Variants in VASH2 observed in about 807,000 individuals in gnomAD.
VASH2 encodes tubulinyl-Tyr carboxypeptidase 2.
VASH2 carries 28 observed loss-of-function variants against 37.2 expected under a neutral mutation model. The observed-to-expected ratio is 0.75, with a 90% CI of 0.56 to 1.03. VASH2 has a LOEUF of 1.03. Ranked by LOEUF, VASH2 falls within the 50% of genes least tolerant of loss-of-function variation. VASH2 has a pLI of 0.00. For missense variants in VASH2, 419 were observed against 459.1 expected, an observed-to-expected ratio of 0.91 and a Z score of 0.80; for synonymous variants, 188 against 174.7, an observed-to-expected ratio of 1.08 and a Z score of -0.60.
At chr1:212,985,837 C>A (rs979201821) in intron 7 of VASH2, among the ~76,000 whole-genome samples, 2 of 152,226 alleles carry the variant, frequency 1.3e-5, no homozygotes, top group African/African-American at 2.4e-5. Flanking sequence ...ACGTGTCCTA[C>A]TAACTGCCAC....
chr1:212,975,455 T>C (rs1316318685), intron 7 of VASH2, among the ~76,000 whole-genome samples: 2 of 152,222 alleles, frequency 1.3e-5, no homozygotes, highest in Non-Finnish European at 2.9e-5. Flanking sequence ...AGGTTTGTCC[T>C]TGCAGGGAGC....
intron 5 of VASH2, among the ~76,000 whole-genome samples, chr1:212,970,301 A>G (rs550222333): frequency 2.0e-5 from 3 of 152,222 alleles, no homozygotes; most frequent in South Asian, 2.1e-4. Context: ...TGACATCATG[A>G]TGGGAGAAAT....
chr1:212,958,273 C>T (rs1402601034), intron 2 of VASH2, among the ~76,000 whole-genome samples: 2 of 152,194 alleles, frequency 1.3e-5, no homozygotes, highest in East Asian at 3.8e-4. Context: ...TGACATCATT[C>T]CCTCTGTGGT....
At chr1:212,961,510 C>T (rs1437455158) in intron 3 of VASH2, 2 of 589,118 alleles carry the variant, frequency 3.4e-6, no homozygotes, top group Non-Finnish European at 2.7e-6. Context: ...TGTCCTTTCC[C>T]TTTTTCCCCT....
At chr1:212,962,898 G>T (rs1350670274) in intron 3 of VASH2, among the ~76,000 whole-genome samples, 1 of 152,138 alleles carries the variant, frequency 6.6e-6, no homozygotes, top group Non-Finnish European at 1.5e-5. Context: ...TGGACCCCAA[G>T]AGCTGGCCCT....
chr1:212,980,073 G>A (rs1415023016), intron 7 of VASH2, among the ~76,000 whole-genome samples: 1 of 152,120 alleles, frequency 6.6e-6, no homozygotes, highest in African/African-American at 2.4e-5. Flanking sequence ...TAGGGCCGGG[G>A]GCCTGAGATG....
At chr1:212,982,265 CA>C (rs758367935) in intron 7 of VASH2, among the ~76,000 whole-genome samples, 3 of 152,182 alleles carry the variant, frequency 2.0e-5, no homozygotes, top group Non-Finnish European at 4.4e-5. Context: ...CTTTCTCCTG[CA>C]AAGTGAGTCA....
chr1:212,970,154 A>G (rs1370137536), intron 5 of VASH2, among the ~76,000 whole-genome samples: 1 of 152,200 alleles, frequency 6.6e-6, no homozygotes, highest in Non-Finnish European at 1.5e-5. Context: ...GCTGGATGCC[A>G]GAAAGATGAT....
At chr1:212,974,712 A>G (rs1448354394) in intron 7 of VASH2, 2 of 152,230 alleles carry the variant, frequency 1.3e-5, no homozygotes, top group Non-Finnish European at 2.9e-5. Flanking sequence ...GCTGGCAAAT[A>G]TTTGAACTAT....
rs1285476407 is a variant in VASH2 at position 212,966,361 on chromosome 1, T to C, written c.497+16T>C. The stretch of plus-strand genomic sequence containing the variant: ...TCCTGGGCATGTATCCTTTAAGTTA[T>C]GTATGCTTAGTTTACTCCATAAATG... On this transcript the variant is annotated intron_variant, in intron 5 of 7. Transcript: ENST00000517399. 5.2e-6 allele frequency: 8 copies of C among 1,550,104 alleles called. No homozygotes were observed. The highest frequency in any genetic ancestry group is 2.7e-5 in the African/African-American group (2 of 73,030).
In VASH2 at chr1:212,961,152, C is replaced by G. The variant is rs201409086; in HGVS notation, c.277-14C>G. On this transcript the variant is annotated splice_polypyrimidine_tract_variant and intron_variant, in intron 2 of 7. Transcript: ENST00000517399. ...CTCCTTCATAAACACCTCCTCTTCT[C>G]TATTTTTCTGCAGCCTTCAATACCC... 2.9e-4 allele frequency: 468 copies of G among 1,614,058 alleles called. 1 individual carries two copies. The African/African-American group carries it at 5.6e-3, about 19-fold the overall frequency.
intron 7 of VASH2, among the ~76,000 whole-genome samples, chr1:212,975,208 A>G (rs955902995): frequency 6.6e-6 from 1 of 152,198 alleles, no homozygotes; most frequent in Non-Finnish European, 1.5e-5. Context: ...GAGTCGGGGA[A>G]GGTTCTGTTT....
intron 3 of VASH2, among the ~76,000 whole-genome samples, chr1:212,965,106 A>C (rs2102633555): frequency 6.6e-6 from 1 of 152,266 alleles, no homozygotes; most frequent in East Asian, 1.9e-4. Context: ...TTTTTAGTAG[A>C]GACTGGATTT....
intron 7 of VASH2, among the ~76,000 whole-genome samples, chr1:212,978,401 C>T (rs1002124436): frequency 2.9e-4 from 44 of 152,240 alleles, no homozygotes; most frequent in Admixed American, 3.3e-4. Flanking sequence ...AGGGAGTGGT[C>T]GGTCACTCGA....
chr1:212,986,510 C>G (rs1667483327), intron 7 of VASH2, among the ~76,000 whole-genome samples: 1 of 152,170 alleles, frequency 6.6e-6, no homozygotes, highest in Admixed American at 6.5e-5. Flanking sequence ...CTAGTTCTGT[C>G]CACATTAGTG....
At chr1:212,969,690 A>G (rs1204587091) in intron 5 of VASH2, among the ~76,000 whole-genome samples, 2 of 152,176 alleles carry the variant, frequency 1.3e-5, no homozygotes, top group South Asian at 2.1e-4. Flanking sequence ...AAGTTACAGC[A>G]TCTCTGTCTT....
At chr1:212,952,094 A>G (rs1420354257) in intron 2 of VASH2, among the ~76,000 whole-genome samples, 1 of 152,134 alleles carries the variant, frequency 6.6e-6, no homozygotes, top group Non-Finnish European at 1.5e-5. Flanking sequence ...GCCAAACTCT[A>G]TTATTTACTC....
At chr1:212,977,341 G>T (rs1035848717) in intron 7 of VASH2, among the ~76,000 whole-genome samples, 31 of 152,154 alleles carry the variant, frequency 2.0e-4, no homozygotes, top group African/African-American at 7.5e-4. Flanking sequence ...ATTATTCTAG[G>T]TAGTTTGTAA....
At chr1:212,980,313 C>T (rs1378919309) in intron 7 of VASH2, among the ~76,000 whole-genome samples, 1 of 152,218 alleles carries the variant, frequency 6.6e-6, no homozygotes, top group East Asian at 1.9e-4. Flanking sequence ...ACATTCTTCT[C>T]AATGGAGGCC....
Sources: allele counts gnomAD v4.1 joint callset (sites outside exome capture counted in the v4.1 genomes callset), GRCh38; gene constraint gnomAD v4.1.1; transcripts MANE v1.5; gene names NCBI Gene and HGNC (gene_info 2026-07-23, HGNC 2026-07-21).